Variants in KIF21B observed in about 807,000 individuals in gnomAD.
KIF21B encodes the protein kinesin family member 21B, also known as kinesin-like protein KIF21B.
KIF21B carries 85 observed loss-of-function variants against 192.9 expected under a neutral mutation model. The ratio of observed to expected loss-of-function variants is 0.44; its 90% CI spans 0.37 to 0.53. The LOEUF (loss-of-function observed/expected upper bound fraction) is 0.53, where lower values mean the gene tolerates loss of function less well. KIF21B is among the 20% of genes least tolerant of loss of function. The pLI is 0.00. For synonymous variants in KIF21B, 832 were observed against 884.6 expected, an observed-to-expected ratio of 0.94 and a Z score of 1.05; for missense variants, 1,716 against 2,194.8, an observed-to-expected ratio of 0.78 and a Z score of 4.36.
intron 34 of KIF21B, chr1:200,974,257 G>A: frequency 1.3e-6 from 2 of 1,491,844 alleles, no homozygotes; most frequent in Non-Finnish European, 1.8e-6. Context: ...GGGGAGGGGA[G>A]AGAAGGGACA....
Position 200,975,608 on chromosome 1 carries a change from G to A in KIF21B, c.4505C>T (p.Pro1502Leu). The A allele has an allele frequency of 2.5e-6, 4 of 1,613,926 alleles. No homozygotes were observed. Among genetic ancestry groups the A allele is most frequent in the Non-Finnish European group, 3.4e-6 (4 of 1,179,858 alleles). Residue 1502 changes from proline to leucine, a missense_variant, in exon 33 of 35, where the codon CCG (proline) becomes CTG (leucine). Pro to Leu is a moderately conservative substitution (Grantham distance 98). This residue lies in a region of KIF21B where 580 missense variants were observed against 775.5 expected (regional missense o/e 0.75). Transcript: ENST00000461742. The surrounding 1 kb of genome is among the most constrained non-coding windows in gnomAD (Gnocchi z 4.3). ...TIGPTHNFEPPHYDGIECLAI... is the reference protein window; with the variant it reads ...TIGPTHNFEPLHYDGIECLAI... Reference sequence around the variant, plus strand: ...GAGACACTCGATGCCATCGTAGTGCGGGGGCTCGAAGTTGTGAGTGGGGCC... The same window carrying A: ...GAGACACTCGATGCCATCGTAGTGCAGGGGCTCGAAGTTGTGAGTGGGGCC...
intron 1 of KIF21B, among the ~76,000 whole-genome samples, chr1:201,021,316 G>C (rs982496432): frequency 1.2e-4 from 19 of 152,384 alleles, no homozygotes; most frequent in Admixed American, 6.5e-4. Context: ...GTGTGCCGGG[G>C]CTGGGCGCTC....
chr1:200,987,274 C>T, intron 24 of KIF21B, 73 bp from the exon 25 acceptor site: 1 of 1,330,772 alleles, frequency 7.5e-7, no homozygotes, highest in Admixed American at 2.2e-5. Flanking sequence ...AGGGGAAATT[C>T]TATTTTTTTT....
Position 201,003,718 on chromosome 1 carries a change from T to C in KIF21B, c.1080A>G (p.Thr360=), listed in dbSNP as rs200617639. The C allele has an allele frequency of 1.7e-5, 28 of 1,613,994 alleles. No homozygotes were observed. In the African/African-American group the frequency reaches 3.5e-4, roughly 20 times the overall value. The part of the protein sequence containing the change: ...SDRDFMETLN[T]LKYANRARNI... The stretch of plus-strand genomic sequence containing the variant: ...TGCGGGCCCGATTGGCATATTTGAG[T>C]GTGTTGAGGGTCTCCATGAAATCTC... The change falls in exon 8 of 35, where the codon ACA becomes ACG. Residue 360 remains threonine, a synonymous_variant. Coordinates refer to ENST00000461742, the MANE Select transcript of KIF21B (RefSeq NM_001252102.2).
Position 201,004,403 on chromosome 1 carries a change from A to G in KIF21B, c.953T>C (p.Val318Ala), listed in dbSNP as rs1657681026. The change falls in exon 7 of 35, where the codon GTG becomes GCG. Residue 318 changes from valine to alanine, a missense_variant. Val to Ala is a moderately conservative substitution (Grantham distance 64, BLOSUM62 0). Around this residue, in one of 3 missense-constraint regions of KIF21B, gnomAD observed 1,087 missense variants for 1,316.6 expected, o/e 0.83. Coordinates refer to ENST00000461742, the MANE Select transcript of KIF21B (RefSeq NM_001252102.2). ...SALGDQSKKV[V>A]HVPYRDSKLT... is the part of the protein sequence containing the mutation. Reference sequence around the variant, plus strand: ...CTTGGAGTCCCTGTAGGGAACGTGCACCACCTTCTTGCTCTGGTCCCCTAA... The same window carrying G: ...CTTGGAGTCCCTGTAGGGAACGTGCGCCACCTTCTTGCTCTGGTCCCCTAA... 2 of 1,582,678 alleles carry G rather than the reference A, an allele frequency of 1.3e-6. No homozygotes were observed. The highest frequency in any genetic ancestry group is 1.8e-5 in the Admixed American group (1 of 54,912).
chr1:200,990,635 T>A lies in KIF21B; in HGVS notation c.2776A>T (p.Ile926Phe). 1 of 1,614,162 alleles carries A rather than the reference T, an allele frequency of 6.2e-7. No homozygotes were observed. Among genetic ancestry groups the A allele is most frequent in the Non-Finnish European group, 8.5e-7 (1 of 1,180,032 alleles). ...WQSLERRIID[I>F]VMQRMTIVNL... ...ACAATGGTCATTCTCTGCATGACGA[T>A]GTCAATGATCCGTCGCTCCAGGGAC... is the stretch of plus-strand genomic sequence containing the variant. Residue 926 changes from isoleucine to phenylalanine, a missense_variant, in exon 19 of 35, where the codon ATC becomes TTC. This residue lies in a region of KIF21B where 1,087 missense variants were observed against 1,316.6 expected (regional missense o/e 0.83). Transcript: ENST00000461742. The surrounding 1 kb of genome is among the most constrained non-coding windows in gnomAD (Gnocchi z 5.4).
chr1:201,010,963 G>A (rs1473895928), intron 1 of KIF21B, among the ~76,000 whole-genome samples: 1 of 152,264 alleles, frequency 6.6e-6, no homozygotes. Flanking sequence ...CCTACCCACA[G>A]ATGGGAGTCT....
intron 34 of KIF21B, chr1:200,973,983 A>C: frequency 6.5e-7 from 1 of 1,550,248 alleles, no homozygotes; most frequent in Non-Finnish European, 8.7e-7. Context: ...AGGAAGAAGA[A>C]GGAGTAAAAT....
At position 200,990,350 on chromosome 1, in the gene KIF21B, G is replaced by C. The variant is rs375560946; in HGVS notation, c.2836-18C>G. The C allele has an allele frequency of 2.5e-6, 4 of 1,588,210 alleles. No homozygotes were observed. Among genetic ancestry groups the C allele is most frequent in the Non-Finnish European group, 3.4e-6 (4 of 1,167,874 alleles). On this transcript the variant is annotated intron_variant, in intron 19 of 34. Coordinates refer to ENST00000461742, the MANE Select transcript of KIF21B (RefSeq NM_001252102.2). The surrounding 1 kb of genome is among the most constrained non-coding windows in gnomAD (Gnocchi z 5.4). ...TCCCTTTTCTGGGGTCAGAGGGGAG[G>C]GTGGTGATTGTGATGAAGGAGAGGC...
chr1:200,972,296 CAGAG>C lies in KIF21B; in HGVS notation c.*1221_*1224del, dbSNP rs1191828051. 1.3e-5 allele frequency: 2 copies of C among 152,174 alleles called. No individual in the cohort carries two copies. Among genetic ancestry groups the C allele is most frequent in the African/African-American group, 2.4e-5 (1 of 41,378 alleles). The allele number at this position is 152,174 out of a possible 1,614,324, so 9.4% of individuals were successfully genotyped here. A position where few individuals can be genotyped will look rare whatever the true frequency, so the allele number is the denominator to read the frequency against. ...GCCGAAAATGTGTCTCCTGAATAAC[CAGAG>C]AGAGAGAAGCTGGAGAGACTCCCCG... On this transcript the variant is annotated 3_prime_UTR_variant, in exon 35 of 35. Coordinates refer to ENST00000461742, the MANE Select transcript of KIF21B (RefSeq NM_001252102.2).
intron 1 of KIF21B, among the ~76,000 whole-genome samples, chr1:201,019,830 A>G (rs566946105): frequency 1.5e-4 from 23 of 152,176 alleles, no homozygotes; most frequent in Non-Finnish European, 2.1e-4. Context: ...CTCGGAAGGC[A>G]CCCCAAATAC....
chr1:201,002,742 A>T (rs763933061), intron 8 of KIF21B: 8 of 186,676 alleles, frequency 4.3e-5, no homozygotes, highest in Non-Finnish European at 9.1e-5. Context: ...TGGAACTAAG[A>T]GAGTCCCAGA....
In KIF21B at chr1:200,999,889, C is replaced by T. The variant is rs750670224; in HGVS notation, c.1761G>A (p.Ala587=). The change falls in exon 12 of 35, where the codon GCG becomes GCA. Residue 587 remains alanine (A), a synonymous_variant. Transcript: ENST00000461742. This position sits in a 1 kb window ranked among gnomAD's most constrained non-coding sequence, Gnocchi z 4.7. ...GGCGGCCCGTGCTCCTCACCTCCTC[C>T]GCCTCGTTCTCATCCGTCTCCTCGC... The part of the protein sequence containing the change: ...ENSEETDENE[A]EEEEEERDES... 1.2e-5 allele frequency: 19 copies of T among 1,613,648 alleles called. No homozygotes were observed. Among genetic ancestry groups the T allele is most frequent in the Middle Eastern group, 1.6e-4 (1 of 6,084 alleles).
In KIF21B at chr1:200,990,579, G is replaced by A; in HGVS notation, c.2832C>T (p.Ile944=). Residue 944 remains isoleucine, a synonymous_variant, in exon 19 of 35, where the codon ATC becomes ATT. Transcript: ENST00000461742. The surrounding 1 kb of genome is among the most constrained non-coding windows in gnomAD (Gnocchi z 5.4). ...VNLEADMERL[I]KKREELFLLQ... ...AGAAGGGGGAGGCAGGGCTCACCTTGATGAGCCGCTCCATGTCAGCCTCCA... is the reference window on the plus strand; with the variant it reads ...AGAAGGGGGAGGCAGGGCTCACCTTAATGAGCCGCTCCATGTCAGCCTCCA... The A allele has an allele frequency of 6.2e-7, 1 of 1,613,802 alleles. No homozygotes were observed. Among genetic ancestry groups the A allele is most frequent in the Non-Finnish European group, 8.5e-7 (1 of 1,179,894 alleles).
chr1:201,009,182 T>G, intron 2 of KIF21B, 84 bp downstream of exon 2: 1 of 1,352,012 alleles, frequency 7.4e-7, no homozygotes, highest in Non-Finnish European at 1.0e-6. Flanking sequence ...ATGTTTCAGC[T>G]GCTCTGAAGG....
At chr1:201,016,820 T>G (rs12563240) in intron 1 of KIF21B, among the ~76,000 whole-genome samples, 5,106 of 152,190 alleles carry the variant, frequency 0.034, 248 homozygotes, top group East Asian at 0.23. Context: ...CCCTCAGGAC[T>G]CTGAACCCCC....
At chr1:200,996,047 G>A (rs958979571) in intron 15 of KIF21B, 149 bp downstream of exon 15, 21 of 832,766 alleles carry the variant, frequency 2.5e-5, no homozygotes, top group Non-Finnish European at 4.1e-5. Flanking sequence ...ACCGTGTCAA[G>A]GGCCAAGACA....
intron 34 of KIF21B, chr1:200,974,178 A>G (rs1454141874): frequency 1.3e-6 from 2 of 1,559,968 alleles, no homozygotes; most frequent in Non-Finnish European, 1.7e-6. Context: ...TAATTCCACA[A>G]CTTTACCCGG....
intron 34 of KIF21B, chr1:200,974,339 G>A (rs764215655): frequency 1.8e-5 from 18 of 977,712 alleles, no homozygotes; most frequent in African/African-American, 3.3e-5. Flanking sequence ...TCCCCACACA[G>A]GGGGCCAGAG....
Sources: gnomAD v4.1 joint callset for allele counts (sites outside exome capture counted in the v4.1 genomes callset) on GRCh38, gnomAD v4.1.1 for gene constraint, gnomAD v4.1.1 regional missense constraint, Gnocchi (gnomAD v3.1) non-coding constraint, MANE v1.5 for transcripts, NCBI Gene and HGNC (gene_info 2026-07-23, HGNC 2026-07-21) for gene names.